Variants in WNK1 observed in about 807,000 individuals in gnomAD.
WNK1 encodes the protein serine/threonine-protein kinase WNK1.
A neutral mutation model predicts 222.8 loss-of-function variants in WNK1; 38 were observed. That is an observed-to-expected ratio of 0.17 (90% CI 0.13 to 0.22). WNK1 has a LOEUF of 0.22. WNK1 is among the 10% of genes least tolerant of loss of function. WNK1 has a pLI of 1.00. For synonymous variants in WNK1, 1,090 were observed against 1,092.9 expected, an observed-to-expected ratio of 1.00 and a Z score of 0.05; for missense variants, 2,348 against 2,918.4, an observed-to-expected ratio of 0.80 and a Z score of 4.50.
At chr12:868,664 G>T in intron 8 of WNK1, 2 of 1,613,954 alleles carry the variant, frequency 1.2e-6, no homozygotes, top group South Asian at 1.1e-5. Flanking sequence ...CTCTTCAGGA[G>T]AAGGAGGTGG....
chr12:821,325 G>A (rs1406947447), intron 2 of WNK1, among the ~76,000 whole-genome samples: 2 of 152,182 alleles, frequency 1.3e-5, no homozygotes, highest in African/African-American at 4.8e-5. Flanking sequence ...CAGTATCAGG[G>A]CAATACTGGC....
rs1364529280 is a variant in WNK1, at chr12:830,738, A to G, written c.1311+578A>G. 2.6e-5 allele frequency among the ~76,000 whole-genome samples: 4 copies of G among 152,188 alleles called. No individual in the cohort carries two copies. The East Asian group carries it at 7.7e-4, about 29-fold the overall frequency. On this transcript the variant is annotated intron_variant, in intron 4 of 27. Coordinates refer to ENST00000315939, the MANE Select transcript of WNK1 (RefSeq NM_018979.4). Reference sequence around the variant, plus strand: ...ATGATTCATTTTACTTTATCACTACATGCTTCATTATGCTACTCTAAAATA... The same window carrying G: ...ATGATTCATTTTACTTTATCACTACGTGCTTCATTATGCTACTCTAAAATA...
Position 907,984 on chromosome 12 carries a change from G to A in WNK1, c.6781G>A (p.Ala2261Thr). The A allele has an allele frequency of 6.2e-7, 1 of 1,614,176 alleles. No homozygotes were observed. Among genetic ancestry groups the A allele is most frequent in the Non-Finnish European group, 8.5e-7 (1 of 1,180,042 alleles). Residue 2261 changes from alanine to threonine, a missense_variant, in exon 27 of 28, where the codon GCC (alanine) becomes ACC (threonine). Coordinates refer to ENST00000315939, the MANE Select transcript of WNK1 (RefSeq NM_018979.4). Reference sequence around the variant, plus strand: ...GTTGGTAGACAATTGGGCCCGAGATGCCATGAATCTCTCAGGCAGGAGAGG... The same window carrying A: ...GTTGGTAGACAATTGGGCCCGAGATACCATGAATCTCTCAGGCAGGAGAGG... ...HKLVDNWARD[A>T]MNLSGRRGSK...
chr12:877,366 C>A (rs1342464977), intron 9 of WNK1, among the ~76,000 whole-genome samples: 1 of 152,062 alleles, frequency 6.6e-6, no homozygotes, highest in Non-Finnish European at 1.5e-5. Context: ...CGCCCAGCCT[C>A]AAGTTTTTAT....
In WNK1 at chr12:896,218, G is replaced by C. The variant is rs766411372; in HGVS notation, c.5731G>C (p.Gly1911Arg). The C allele has an allele frequency of 6.2e-7, 1 of 1,614,186 alleles. No homozygotes were observed. The highest frequency in any genetic ancestry group is 1.1e-5 in the South Asian group (1 of 91,084). The change falls in exon 24 of 28, where the codon GGC (glycine) becomes CGC (arginine). Residue 1911 changes from glycine to arginine, a missense_variant. By Grantham distance (125) the Gly-to-Arg change is moderately radical. Around this residue, in one of 13 missense-constraint regions of WNK1, gnomAD observed 1,144 missense variants for 1,273.6 expected, o/e 0.90. Coordinates refer to ENST00000315939, the MANE Select transcript of WNK1 (RefSeq NM_018979.4). Reference sequence around the variant, plus strand: ...TACCTTGGTGAAACCAGAGCCGAATGGCATAACCATCCCTGGTATCTCTTC... The same window carrying C: ...TACCTTGGTGAAACCAGAGCCGAATCGCATAACCATCCCTGGTATCTCTTC... ...ESTLVKPEPN[G>R]ITIPGISSDV...
At position 827,032 on chromosome 12, in the gene WNK1, C is replaced by T; in HGVS notation, c.933-10C>T. The T allele has an allele frequency of 6.2e-7, 1 of 1,612,020 alleles. No homozygotes were observed. The highest frequency in any genetic ancestry group is 8.5e-7 in the Non-Finnish European group (1 of 1,179,484). On this transcript the variant is annotated splice_polypyrimidine_tract_variant and intron_variant, in intron 2 of 27. Coordinates refer to ENST00000315939, the MANE Select transcript of WNK1 (RefSeq NM_018979.4). This position sits in a 1 kb window ranked among gnomAD's most constrained non-coding sequence, Gnocchi z 4.6. ...TTGATAACTTGTTTGGTATACTTTG[C>T]TTTTTCTAGGTATCTGAAAAGGTTT...
At chr12:809,086 CTT>C (rs920375704) in intron 1 of WNK1, among the ~76,000 whole-genome samples, 2 of 151,752 alleles carry the variant, frequency 1.3e-5, no homozygotes, top group African/African-American at 4.8e-5. Context: ...TATAAGTAGA[CTT>C]TTCTTCTTGC....
At chr12:775,060 T>C (rs1438111482) in intron 1 of WNK1, among the ~76,000 whole-genome samples, 2 of 152,266 alleles carry the variant, frequency 1.3e-5, no homozygotes, top group East Asian at 3.9e-4. Flanking sequence ...ATAGGTGAAT[T>C]TCTGGTTTTT....
intron 4 of WNK1, among the ~76,000 whole-genome samples, chr12:837,509 G>GGTT (rs1247706611): frequency 1.3e-5 from 2 of 151,390 alleles, no homozygotes; most frequent in Non-Finnish European, 2.9e-5. Flanking sequence ...GGGAGGCAGA[G>GGTT]GTTGCAGTGA....
At position 753,402 on chromosome 12, in the gene WNK1, C is replaced by T; in HGVS notation, c.-164C>T. ...GCCGCAGCTGGGCCCAGCGGTCCGC[C>T]TGTCCCTCGTTGCGGCTTGTCGGTG... is the stretch of plus-strand genomic sequence containing the variant. On this transcript the variant is annotated 5_prime_UTR_variant, in exon 1 of 28. Coordinates refer to ENST00000315939, the MANE Select transcript of WNK1 (RefSeq NM_018979.4). The surrounding 1 kb of genome is among the most constrained non-coding windows in gnomAD (Gnocchi z 5.2). 1.1e-6 allele frequency: 1 copy of T among 896,470 alleles called. No individual in the cohort carries two copies. Among genetic ancestry groups the T allele is most frequent in the South Asian group, 1.7e-5 (1 of 60,378 alleles). 55.5% of individuals were successfully genotyped at this position (896,470 alleles called of 1,614,324 possible). A position where few individuals can be genotyped will look rare whatever the true frequency, so the allele number is the denominator to read the frequency against.
intron 4 of WNK1, among the ~76,000 whole-genome samples, chr12:851,956 T>G (rs905680691): frequency 6.6e-6 from 1 of 152,150 alleles, no homozygotes; most frequent in African/African-American, 2.4e-5. Context: ...TTATGGTGTA[T>G]TCTGTGTGAG....
At chr12:904,844 A>T (rs1211690335) in intron 26 of WNK1, among the ~76,000 whole-genome samples, 2 of 152,212 alleles carry the variant, frequency 1.3e-5, no homozygotes, top group Non-Finnish European at 2.9e-5. Context: ...ACGAAAGCAT[A>T]CAAAAGTCCA....
At chr12:869,057 G>A in intron 8 of WNK1, 1 of 1,613,962 alleles carries the variant, frequency 6.2e-7, no homozygotes, top group Admixed American at 1.7e-5. Context: ...ATCTCAGCAG[G>A]TCTTAACTGC....
intron 1 of WNK1, among the ~76,000 whole-genome samples, chr12:790,585 G>A (rs1423594688): frequency 6.6e-6 from 1 of 152,190 alleles, no homozygotes; most frequent in Non-Finnish European, 1.5e-5. Context: ...GTATGTGTGT[G>A]TAAAAGCTGC....
intron 22 of WNK1, among the ~76,000 whole-genome samples, chr12:891,095 A>C (rs769285856): frequency 4.6e-5 from 7 of 152,208 alleles, no homozygotes; most frequent in Non-Finnish European, 8.8e-5. Flanking sequence ...TAAAAAGAGA[A>C]TGTAGAATAT....
chr12:753,276 A>C lies in WNK1; in HGVS notation c.-290A>C. 3 of 416,316 alleles carry C rather than the reference A, an allele frequency of 7.2e-6. No homozygotes were observed. Among genetic ancestry groups the C allele is most frequent in the East Asian group, 4.6e-5 (1 of 21,554 alleles). The allele number at this position is 416,316 out of a possible 1,614,324, so 25.8% of individuals were successfully genotyped here. ...CCGCCCGGCCGCCGCTCGCCGCAGG[A>C]TGGATGCGGACCGTGCGGCGCTAAC... On this transcript the variant is annotated 5_prime_UTR_variant, in exon 1 of 28. It removes an upstream start codon present in the reference 5' UTR. Transcript: ENST00000315939. This position sits in a 1 kb window ranked among gnomAD's most constrained non-coding sequence, Gnocchi z 5.2.
At chr12:872,258 T>C (rs1000753991) in intron 9 of WNK1, among the ~76,000 whole-genome samples, 10 of 152,220 alleles carry the variant, frequency 6.6e-5, no homozygotes, top group African/African-American at 2.4e-4. Flanking sequence ...CCCGAGTAGC[T>C]GGGACTACAG....
intron 1 of WNK1, among the ~76,000 whole-genome samples, chr12:788,442 A>G (rs916287612): frequency 6.6e-6 from 1 of 152,230 alleles, no homozygotes; most frequent in African/African-American, 2.4e-5. Flanking sequence ...CTAATGGACC[A>G]TATTTCTAAA....
rs575889688 is a variant in WNK1 at position 879,688 on chromosome 12, C to A, written c.2489C>A (p.Pro830Gln). ...SGAHFLPVGQ[P>Q]LPTPLLPQYP... ...GCTCATTTCCTTCCAGTGGGACAGC[C>A]GCTCCCTACTCCCTTGCTCCCTCAG... Residue 830 changes from proline to glutamine, a missense_variant, in exon 11 of 28, where the codon CCG (proline) becomes CAG (glutamine). Transcript: ENST00000315939. 3.1e-6 allele frequency: 5 copies of A among 1,613,772 alleles called. No homozygotes were observed. The highest frequency in any genetic ancestry group is 3.4e-6 in the Non-Finnish European group (4 of 1,179,932).
Sources: allele counts gnomAD v4.1 joint callset (sites outside exome capture counted in the v4.1 genomes callset), GRCh38; gene constraint gnomAD v4.1.1; regional missense constraint gnomAD v4.1.1; non-coding constraint Gnocchi (gnomAD v3.1); transcripts MANE v1.5; gene names NCBI Gene and HGNC (gene_info 2026-07-23, HGNC 2026-07-21).